ADARB2: variants seen among roughly 807,000 people sequenced by gnomAD.
ADARB2 encodes adenosine deaminase RNA specific B2 (inactive), also known as inactive double-stranded RNA-specific editase B2.
ADARB2 carries 25 observed loss-of-function variants against 62.2 expected under a neutral mutation model. That is an observed-to-expected ratio of 0.40 (90% CI 0.29 to 0.56). ADARB2 has a LOEUF of 0.56. Ranked by LOEUF, ADARB2 falls within the 20% of genes least tolerant of loss-of-function variation. ADARB2 has a pLI of 0.43. For synonymous variants in ADARB2, 572 were observed against 500.8 expected (o/e 1.14, Z -1.90); for missense variants, 1,071 against 1,077.4 (o/e 0.99, Z 0.08).
chr10:1,419,316 G>C (rs192332791), intron 1 of ADARB2, among the ~76,000 whole-genome samples: 2 of 152,080 alleles, frequency 1.3e-5, no homozygotes, highest in Non-Finnish European at 2.9e-5. Context: ...GGCTGGTCTC[G>C]AACTCCTGAC....
intron 1 of ADARB2, among the ~76,000 whole-genome samples, chr10:1,493,430 T>C (rs1313528465): frequency 1.3e-5 from 2 of 152,200 alleles, no homozygotes; most frequent in Non-Finnish European, 2.9e-5. Flanking sequence ...GTCACAATAA[T>C]GAATACATAA....
chr10:1,519,171 C>T (rs866371511), intron 1 of ADARB2, among the ~76,000 whole-genome samples: 28 of 149,760 alleles, frequency 1.9e-4, no homozygotes, highest in South Asian at 8.6e-4. Context: ...TTCCTTATAA[C>T]GTCTGCATGT....
chr10:1,560,385 G>C (rs1345129723), intron 1 of ADARB2, among the ~76,000 whole-genome samples: 1 of 152,204 alleles, frequency 6.6e-6, no homozygotes, highest in Non-Finnish European at 1.5e-5. Flanking sequence ...AATCAGACGA[G>C]AAGGATGCAT....
intron 7 of ADARB2, 118 bp downstream of exon 7, chr10:1,216,833 C>G (rs1830628644): frequency 3.8e-6 from 5 of 1,330,200 alleles, no homozygotes; most frequent in Non-Finnish European, 4.1e-6. Context: ...GGCACAGGGC[C>G]CTGACCGCAT....
intron 3 of ADARB2, among the ~76,000 whole-genome samples, chr10:1,298,224 A>AAAAAAATAACACAAGTTTATAAAG (rs1234614187): frequency 6.6e-6 from 1 of 152,230 alleles, no homozygotes; most frequent in Non-Finnish European, 1.5e-5. Flanking sequence ...GATGCTATTG[A>AAAAAAATAACACAAGTTTATAAAG]AAAAAATAAC....
At chr10:1,462,725 G>A (rs1302690746) in intron 1 of ADARB2, among the ~76,000 whole-genome samples, 1 of 151,752 alleles carries the variant, frequency 6.6e-6, no homozygotes, top group African/African-American at 2.4e-5. Flanking sequence ...GACTGTATGT[G>A]CATGTGTGTA....
intron 3 of ADARB2, among the ~76,000 whole-genome samples, chr10:1,296,877 C>T (rs1831528095): frequency 6.6e-6 from 1 of 152,224 alleles, no homozygotes; most frequent in Non-Finnish European, 1.5e-5. Context: ...TCCTTCTCTG[C>T]TCCCAGCCTG....
chr10:1,323,405 A>G (rs933932338), intron 3 of ADARB2, among the ~76,000 whole-genome samples: 4 of 152,154 alleles, frequency 2.6e-5, no homozygotes, highest in African/African-American at 4.8e-5. Flanking sequence ...TCCAAAATTG[A>G]CCTATAGTGT....
chr10:1,505,601 C>A (rs986701946), intron 1 of ADARB2, among the ~76,000 whole-genome samples: 4 of 152,194 alleles, frequency 2.6e-5, no homozygotes, highest in Non-Finnish European at 5.9e-5. Context: ...CCCAGCCAGG[C>A]GCGTCAGCCG....
chr10:1,262,453 A>T (rs558471793), intron 4 of ADARB2, among the ~76,000 whole-genome samples: 1 of 152,050 alleles, frequency 6.6e-6, no homozygotes, highest in African/African-American at 2.4e-5. Flanking sequence ...AAATCAAACA[A>T]CCCCATGAAA....
chr10:1,702,887 C>T (rs549862402), intron 1 of ADARB2, among the ~76,000 whole-genome samples: 2 of 152,324 alleles, frequency 1.3e-5, no homozygotes, highest in South Asian at 4.1e-4. Context: ...GAACCACTTG[C>T]TACAGTTATA....
intron 1 of ADARB2, among the ~76,000 whole-genome samples, chr10:1,559,434 G>C (rs1588302707): frequency 6.6e-6 from 1 of 152,212 alleles, no homozygotes; most frequent in South Asian, 2.1e-4. Context: ...TCCTCCAGAG[G>C]CTGGTCCACT....
chr10:1,604,093 C>G (rs1190384251), intron 1 of ADARB2, among the ~76,000 whole-genome samples: 1 of 152,218 alleles, frequency 6.6e-6, no homozygotes, highest in African/African-American at 2.4e-5. Flanking sequence ...GCATGAGCCA[C>G]TGCCTCTGGC....
intron 6 of ADARB2, among the ~76,000 whole-genome samples, chr10:1,232,869 G>T (rs1306161016): frequency 6.6e-6 from 1 of 151,350 alleles, no homozygotes; most frequent in African/African-American, 2.4e-5. Flanking sequence ...TGTAGTGTAT[G>T]TGGTGTGTGT....
intron 1 of ADARB2, among the ~76,000 whole-genome samples, chr10:1,581,945 G>A (rs958167855): frequency 6.6e-6 from 1 of 151,944 alleles, no homozygotes; most frequent in Non-Finnish European, 1.5e-5. Context: ...CCCTGGAACA[G>A]GAAACCATCT....
In ADARB2 at chr10:1,233,731, G is replaced by C. The variant is rs563819822; in HGVS notation, c.1476C>G (p.Asp492Glu). ...HLYVSTSPCG[D>E]ARLHSPYEIT... ...TCTCGTAGGGAGAGTGGAGTCTTGC[G>C]TCTCCACAGGGGGAGGTGCTCACGT... The change falls in exon 6 of 10, where the codon GAC (aspartate) becomes GAG (glutamate). Residue 492 changes from aspartate to glutamate, a missense_variant. Coordinates refer to ENST00000381312, the MANE Select transcript of ADARB2 (RefSeq NM_018702.4). The C allele has an allele frequency of 5.0e-6, 8 of 1,613,600 alleles. No individual in the cohort carries two copies. Among genetic ancestry groups the C allele is most frequent in the Non-Finnish European group, 1.7e-6 (2 of 1,179,844 alleles).
intron 3 of ADARB2, among the ~76,000 whole-genome samples, chr10:1,280,633 C>T (rs1231647976): frequency 6.7e-5 from 10 of 148,444 alleles, no homozygotes; most frequent in African/African-American, 2.3e-4. Context: ...AGTGATGCTC[C>T]GTGAAATTCC....
chr10:1,370,948 C>T (rs1395074753), intron 2 of ADARB2, among the ~76,000 whole-genome samples: 3 of 152,198 alleles, frequency 2.0e-5, no homozygotes, highest in Non-Finnish European at 4.4e-5. Context: ...TTAGAAAAAA[C>T]AATCCTAAAG....
chr10:1,333,180 T>C (rs1340851009), intron 3 of ADARB2, among the ~76,000 whole-genome samples: 1 of 152,248 alleles, frequency 6.6e-6, no homozygotes, highest in Non-Finnish European at 1.5e-5. Flanking sequence ...CGATTTCTAC[T>C]AGCTTTTCTC....
Sources: allele counts gnomAD v4.1 joint callset (sites outside exome capture counted in the v4.1 genomes callset), GRCh38; gene constraint gnomAD v4.1.1; transcripts MANE v1.5; gene names NCBI Gene and HGNC (gene_info 2026-07-23, HGNC 2026-07-21).